The following LINC00305 variants were observed in gnomAD, a reference collection of about 807,000 sequenced individuals.
The protein encoded by LINC00305 is long intergenic non-protein coding RNA 305.
intron 1 of LINC00305, among the ~76,000 whole-genome samples, chr18:64,148,482 T>C (rs758294048): frequency 6.6e-6 from 1 of 151,972 alleles, no homozygotes; most frequent in Non-Finnish European, 1.5e-5. Context: ...CACTGTCTTA[T>C]AAGGGAATTT....
Position 64,124,302 on chromosome 18 carries a change from C to A in LINC00305, n.314+24473G>T, listed in dbSNP as rs536961402. Among the ~76,000 whole-genome samples the A allele has an allele frequency of 1.2e-4, 18 of 152,216 alleles. No individual in the cohort carries two copies. The South Asian group carries it at 3.5e-3, about 30-fold the overall frequency. ...GAATGGCCAGCCTGCAGTTCTGTAT[C>A]TCTCTCAACTGGTTTTCCTCATGTC... On this transcript the variant is annotated intron_variant and non_coding_transcript_variant, in intron 1 of 3. Coordinates refer to ENST00000666468, the Ensembl canonical transcript of LINC00305.
At chr18:64,098,092 G>C (rs1388767932) in intron 2 of LINC00305, 1 of 430,722 alleles carries the variant, frequency 2.3e-6, no homozygotes, top group East Asian at 7.2e-5. Context: ...AAGGTACAGA[G>C]GCAAAGTTCT....
chr18:64,094,357 A>G (rs549031339), intron 3 of LINC00305, among the ~76,000 whole-genome samples: 1 of 152,302 alleles, frequency 6.6e-6, no homozygotes, highest in East Asian at 1.9e-4. Flanking sequence ...GCAGCACCCC[A>G]TGGATATTCC....
chr18:64,091,730 A>G (rs929534939), intron 3 of LINC00305, among the ~76,000 whole-genome samples: 2 of 152,196 alleles, frequency 1.3e-5, no homozygotes, highest in African/African-American at 2.4e-5. Flanking sequence ...CCCTGTTGCT[A>G]TATTTAGACA....
intron 3 of LINC00305, among the ~76,000 whole-genome samples, chr18:64,093,068 T>C (rs1489574451): frequency 6.6e-6 from 1 of 152,208 alleles, no homozygotes; most frequent in African/African-American, 2.4e-5. Context: ...ATATTTTGCA[T>C]GTCCACTGAA....
intron 1 of LINC00305, among the ~76,000 whole-genome samples, chr18:64,130,965 A>G (rs1192217171): frequency 6.6e-6 from 1 of 152,172 alleles, no homozygotes; most frequent in Non-Finnish European, 1.5e-5. Context: ...AAGGACAGCT[A>G]ACAGAGGTGG....
chr18:64,097,867 C>T, exon 3 of LINC00305: 3 of 458,078 alleles, frequency 6.5e-6, no homozygotes, highest in South Asian at 4.6e-5. Flanking sequence ...TAGAATCTCA[C>T]TCTAACCACT....
At chr18:64,112,971 A>G (rs1303071068) in intron 1 of LINC00305, among the ~76,000 whole-genome samples, 1 of 152,258 alleles carries the variant, frequency 6.6e-6, no homozygotes, top group Non-Finnish European at 1.5e-5. Context: ...ACTGAGAGCT[A>G]TCATGACAAT....
At chr18:64,083,991 TG>T (rs2051194153) in intron 3 of LINC00305, among the ~76,000 whole-genome samples, 1 of 152,176 alleles carries the variant, frequency 6.6e-6, no homozygotes, top group African/African-American at 2.4e-5. Context: ...TCTAAAGAAA[TG>T]GGAATCTGGG....
intron 3 of LINC00305, among the ~76,000 whole-genome samples, chr18:64,088,320 T>A (rs1333210446): frequency 6.6e-6 from 1 of 152,168 alleles, no homozygotes; most frequent in Non-Finnish European, 1.5e-5. Flanking sequence ...TCCATCTCCT[T>A]ATTTCTTCTC....
At chr18:64,108,139 A>G (rs563200627) in intron 1 of LINC00305, among the ~76,000 whole-genome samples, 1 of 152,308 alleles carries the variant, frequency 6.6e-6, no homozygotes, top group Non-Finnish European at 1.5e-5. Context: ...TAAGAAAAAA[A>G]ATGGGGTTGC....
rs941957215 is a variant in LINC00305, at chr18:64,114,245, G to C, written n.315-15605C>G. Reference sequence around the variant, plus strand: ...AGATTGCGCCACTGCACTCCAGCCTGGGCGACAGAAAATTTAACGTTCAGG... The same window carrying C: ...AGATTGCGCCACTGCACTCCAGCCTCGGCGACAGAAAATTTAACGTTCAGG... On this transcript the variant is annotated intron_variant and non_coding_transcript_variant, in intron 1 of 3. Coordinates refer to ENST00000666468, the Ensembl canonical transcript of LINC00305. Among the ~76,000 whole-genome samples, 3 of 152,204 alleles carry C rather than the reference G, an allele frequency of 2.0e-5. No individual in the cohort carries two copies. The East Asian group carries it at 5.8e-4, about 29-fold the overall frequency.
exon 3 of LINC00305, chr18:64,097,985 A>G (rs1020670422): frequency 4.4e-5 from 20 of 457,772 alleles, no homozygotes; most frequent in African/African-American, 2.8e-4. Flanking sequence ...TGCAGGTCGC[A>G]GAGATGGCTA....
intron 1 of LINC00305, chr18:64,104,134 C>T (rs987860281): frequency 6.6e-6 from 1 of 152,132 alleles, no homozygotes; most frequent in Non-Finnish European, 1.5e-5. Flanking sequence ...TCTAATACCA[C>T]CCAGAATGGG....
intron 3 of LINC00305, among the ~76,000 whole-genome samples, chr18:64,083,422 C>G (rs1281418457): frequency 6.6e-6 from 1 of 152,206 alleles, no homozygotes; most frequent in African/African-American, 2.4e-5. Context: ...CCTAAGTTCT[C>G]ATACCGTGTG....
chr18:64,100,356 G>A (rs1311013584), intron 1 of LINC00305, among the ~76,000 whole-genome samples: 1 of 152,134 alleles, frequency 6.6e-6, no homozygotes, highest in East Asian at 1.9e-4. Context: ...GAAACTTCTT[G>A]AAAGTATGAA....
At chr18:64,119,901 C>T (rs531495082) in intron 1 of LINC00305, among the ~76,000 whole-genome samples, 33 of 152,140 alleles carry the variant, frequency 2.2e-4, no homozygotes, top group Admixed American at 1.8e-3. Flanking sequence ...TATTCTCATG[C>T]AGTCTGTTAG....
At chr18:64,115,341 A>G (rs927298150) in intron 1 of LINC00305, among the ~76,000 whole-genome samples, 5 of 152,192 alleles carry the variant, frequency 3.3e-5, no homozygotes, top group Admixed American at 2.6e-4. Flanking sequence ...CAGGCAACCC[A>G]TTGAGAACAC....
chr18:64,142,494 C>A (rs1238837380), intron 1 of LINC00305, among the ~76,000 whole-genome samples: 1 of 152,086 alleles, frequency 6.6e-6, no homozygotes, highest in African/African-American at 2.4e-5. Flanking sequence ...GGCAGTTATC[C>A]CCACCACTTC....
Sources: gnomAD v4.1 joint callset for allele counts (sites outside exome capture counted in the v4.1 genomes callset) on GRCh38, gnomAD v4.1.1 for gene constraint, MANE v1.5 for transcripts, NCBI Gene and HGNC (gene_info 2026-07-23, HGNC 2026-07-21) for gene names.